GCNT4: variants seen among roughly 807,000 people sequenced by gnomAD.
GCNT4 encodes the protein beta-1,3-galactosyl-O-glycosyl-glycoprotein beta-1,6-N-acetylglucosaminyltransferase 4.
Under a neutral mutation model 31.3 loss-of-function variants are expected in GCNT4, and 17 were observed. The observed-to-expected ratio is 0.54, with a 90% CI of 0.37 to 0.81. The LOEUF is 0.81. Ranked by LOEUF, GCNT4 falls within the 40% of genes least tolerant of loss-of-function variation. The pLI is 0.00. For synonymous variants in GCNT4, 158 were observed against 190.6 expected (o/e 0.83, Z 1.41); for missense variants, 503 against 525.5 (o/e 0.96, Z 0.42).
At chr5:75,042,942 A>C (rs1743352339) in intron 3 of GCNT4, among the ~76,000 whole-genome samples, 1 of 152,192 alleles carries the variant, frequency 6.6e-6, no homozygotes, top group Non-Finnish European at 1.5e-5. Flanking sequence ...GGAAGAAATA[A>C]AAATCTGCAG....
In GCNT4 at chr5:75,051,314, T is replaced by A. The variant is rs879652977; in HGVS notation, c.-143+855A>T. ...CACAGCAGCCAATGCGCTGTTCACA[T>A]TGGGACAGTTCACAGCCTGGTTCAC... On this transcript the variant is annotated intron_variant, in intron 2 of 3. Transcript: ENST00000652361. Among the ~76,000 whole-genome samples, 9 of 152,378 alleles carry A rather than the reference T, an allele frequency of 5.9e-5. No individual in the cohort carries two copies. The East Asian group carries it at 1.7e-3, about 29-fold the overall frequency.
At chr5:75,034,105 T>C (rs1343687651) in intron 3 of GCNT4, among the ~76,000 whole-genome samples, 1 of 152,242 alleles carries the variant, frequency 6.6e-6, no homozygotes, top group African/African-American at 2.4e-5. Context: ...CCACTTGGTA[T>C]GGAGTTTCTG....
intron 3 of GCNT4, among the ~76,000 whole-genome samples, chr5:75,039,626 C>G (rs1212928010): frequency 1.3e-5 from 2 of 152,284 alleles, no homozygotes; most frequent in East Asian, 3.9e-4. Flanking sequence ...AACCACAATT[C>G]GAGACTGCCT....
intron 3 of GCNT4, among the ~76,000 whole-genome samples, chr5:75,036,908 G>T (rs1010342570): frequency 2.0e-5 from 3 of 152,210 alleles, no homozygotes; most frequent in African/African-American, 7.2e-5. Flanking sequence ...ACAGAGAATT[G>T]CTAATTGTTT....
intron 3 of GCNT4, among the ~76,000 whole-genome samples, chr5:75,041,314 A>T (rs7726378): frequency 0.31 from 47,047 of 152,142 alleles, 7,611 homozygotes; most frequent in African/African-American, 0.41. Context: ...AGACTGGCTC[A>T]GCTCAGTGAA....
downstream of GCNT4, among the ~76,000 whole-genome samples, chr5:75,023,365 G>C (rs1742903030): frequency 1.3e-5 from 2 of 152,152 alleles, no homozygotes; most frequent in Non-Finnish European, 1.5e-5. Flanking sequence ...CACAGTTTCT[G>C]AGAAGTTGAT....
intron 3 of GCNT4, among the ~76,000 whole-genome samples, chr5:75,046,247 A>G (rs1743435245): frequency 6.6e-6 from 1 of 152,214 alleles, no homozygotes; most frequent in South Asian, 2.1e-4. Flanking sequence ...GAAAGGCTAA[A>G]GGAAGAAGGA....
chr5:75,053,186 G>A (rs1172790016), upstream of GCNT4, among the ~76,000 whole-genome samples: 2 of 150,832 alleles, frequency 1.3e-5, no homozygotes, highest in Non-Finnish European at 2.9e-5. Context: ...GCCGCGGGGA[G>A]CCCCGAAGTT....
intron 3 of GCNT4, among the ~76,000 whole-genome samples, chr5:75,043,125 T>C (rs1482615479): frequency 1.3e-5 from 2 of 152,242 alleles, no homozygotes; most frequent in African/African-American, 4.8e-5. Context: ...GTAGGTTTTA[T>C]TTCAGGTTAA....
intron 3 of GCNT4, among the ~76,000 whole-genome samples, chr5:75,032,266 G>A (rs1197543479): frequency 1.3e-5 from 2 of 152,046 alleles, no homozygotes; most frequent in Admixed American, 6.5e-5. Flanking sequence ...CCACACTGAT[G>A]CCTTTCCATA....
the GCNT4 span, among the ~76,000 whole-genome samples, chr5:75,019,038 T>C: frequency 6.6e-6 from 1 of 152,202 alleles, no homozygotes; most frequent in Non-Finnish European, 1.5e-5. Flanking sequence ...CAGTACTTTG[T>C]TGCTATAGAC....
At chr5:75,041,793 A>C (rs1743327312) in intron 3 of GCNT4, among the ~76,000 whole-genome samples, 1 of 152,244 alleles carries the variant, frequency 6.6e-6, no homozygotes, top group African/African-American at 2.4e-5. Context: ...CCACAGGGCA[A>C]ATATCAAAAG....
intron 2 of GCNT4, among the ~76,000 whole-genome samples, chr5:75,049,234 A>G (rs916668912): frequency 6.6e-6 from 1 of 152,166 alleles, no homozygotes. Flanking sequence ...CATAAAGCAG[A>G]CTTCTGTTTC....
chr5:75,017,210 T>C, the GCNT4 span, among the ~76,000 whole-genome samples: 1 of 152,190 alleles, frequency 6.6e-6, no homozygotes, highest in African/African-American at 2.4e-5. Flanking sequence ...TCCCAACATC[T>C]TTTTCAGATT....
In GCNT4 at chr5:75,029,060, G is replaced by C; in HGVS notation, c.978C>G (p.Ala326=). The stretch of plus-strand genomic sequence containing the variant: ...CAGGAGAGTATGTGTCTTTAGACCA[G>C]GCAAAAAAGTCTTGAACGATGGAGT... The part of the protein sequence containing the change: ...FNNSIVQDFF[A]WSKDTYSPDE... Residue 326 remains alanine, a synonymous_variant, in exon 4 of 4, where the codon GCC becomes GCG. Transcript: ENST00000652361. The C allele has an allele frequency of 1.2e-6, 2 of 1,614,056 alleles. No individual in the cohort carries two copies. Among genetic ancestry groups the C allele is most frequent in the Non-Finnish European group, 1.7e-6 (2 of 1,179,992 alleles).
At chr5:75,050,332 G>A (rs528788949) in intron 2 of GCNT4, among the ~76,000 whole-genome samples, 16 of 152,282 alleles carry the variant, frequency 1.1e-4, no homozygotes, top group South Asian at 2.1e-4. Flanking sequence ...CAATCCAAGG[G>A]GGAGGGGATC....
At position 75,028,452 on chromosome 5, in the gene GCNT4, T is replaced by C. The variant is rs751572277; in HGVS notation, c.*224A>G. Reference sequence around the variant, plus strand: ...CTGACTGAATGTTTAAGATCTCTGATTTGGCTCAGTGAGATTACAAGCAAA... The same window carrying C: ...CTGACTGAATGTTTAAGATCTCTGACTTGGCTCAGTGAGATTACAAGCAAA... On this transcript the variant is annotated 3_prime_UTR_variant, in exon 4 of 4. Transcript: ENST00000652361. 7 of 514,210 alleles carry C rather than the reference T, an allele frequency of 1.4e-5. No homozygotes were observed. Among genetic ancestry groups the C allele is most frequent in the South Asian group, 3.2e-5 (1 of 31,728 alleles). 31.9% of individuals were successfully genotyped at this position (514,210 alleles called of 1,614,324 possible).
chr5:75,019,187 TAAG>T, the GCNT4 span, among the ~76,000 whole-genome samples: 1 of 152,174 alleles, frequency 6.6e-6, no homozygotes, highest in African/African-American at 2.4e-5. Context: ...AGTGCCCTTA[TAAG>T]AAGAGACACA....
At position 75,029,053 on chromosome 5, in the gene GCNT4, T is replaced by G. The variant is rs1238597156; in HGVS notation, c.985A>C (p.Lys329Gln). Residue 329 changes from lysine to glutamine, a missense_variant, in exon 4 of 4, where the codon AAA (lysine) becomes CAA (glutamine). Coordinates refer to ENST00000652361, the MANE Select transcript of GCNT4 (RefSeq NM_001366737.1). The stretch of plus-strand genomic sequence containing the variant: ...TGCTCATCAGGAGAGTATGTGTCTT[T>G]AGACCAGGCAAAAAAGTCTTGAACG... ...SIVQDFFAWSKDTYSPDEHFW... is the reference protein window; with the variant it reads ...SIVQDFFAWSQDTYSPDEHFW... The G allele has an allele frequency of 4.3e-6, 7 of 1,614,160 alleles. No individual in the cohort carries two copies. The highest frequency in any genetic ancestry group is 1.7e-5 in the Admixed American group (1 of 60,016).
Sources: gnomAD v4.1 joint callset for allele counts (sites outside exome capture counted in the v4.1 genomes callset) on GRCh38, gnomAD v4.1.1 for gene constraint, MANE v1.5 for transcripts, NCBI Gene and HGNC (gene_info 2026-07-23, HGNC 2026-07-21) for gene names.